Variants in METTL15 observed in about 807,000 individuals in gnomAD.
The protein encoded by METTL15 is methyltransferase 15, mitochondrial 12S rRNA N4-cytidine, also known as 12S rRNA N(4)-cytidine methyltransferase METTL15.
In METTL15, 34 loss-of-function variants were observed where a neutral mutation model predicts 38.3. The observed-to-expected ratio is 0.89, with a 90% confidence interval of 0.68 to 1.18. METTL15 has a LOEUF of 1.18. Among genes scored for constraint, METTL15 ranks in the 50% most tolerant of loss-of-function variants. METTL15 has a pLI of 0.00. For missense variants in METTL15, 438 were observed against 498.4 expected, an observed-to-expected ratio of 0.88 and a Z score of 1.15; for synonymous variants, 162 against 170.9, an observed-to-expected ratio of 0.95 and a Z score of 0.41.
chr11:28,343,309 C>A (rs1342743741), intron 3 of METTL15, among the ~76,000 whole-genome samples: 1 of 151,834 alleles, frequency 6.6e-6, no homozygotes, highest in East Asian at 1.9e-4. Context: ...ATTTGCCTTA[C>A]AACCAGAGAA....
intron 3 of METTL15, among the ~76,000 whole-genome samples, chr11:28,143,039 G>C (rs922752433): frequency 6.6e-6 from 1 of 152,080 alleles, no homozygotes; most frequent in South Asian, 2.1e-4. Flanking sequence ...TATGGTAAGT[G>C]AAGAGAGGGA....
chr11:28,509,086 C>G (rs1475317852), intron 6 of METTL15, among the ~76,000 whole-genome samples: 2 of 152,176 alleles, frequency 1.3e-5, no homozygotes, highest in African/African-American at 4.8e-5. Context: ...GTTAAAAGGC[C>G]TCTGTGGCAC....
At chr11:28,347,352 G>T (rs527895296) in intron 3 of METTL15, among the ~76,000 whole-genome samples, 2 of 152,202 alleles carry the variant, frequency 1.3e-5, no homozygotes, top group African/African-American at 4.8e-5. Flanking sequence ...AAGGATTCAT[G>T]AATGGTTTTG....
At chr11:28,293,823 G>A (rs1856622584) in intron 5 of METTL15, among the ~76,000 whole-genome samples, 1 of 152,130 alleles carries the variant, frequency 6.6e-6, no homozygotes, top group South Asian at 2.1e-4. Context: ...AAGCAATTGT[G>A]AATGGGAGTT....
chr11:28,480,908 T>C (rs1252671790), intron 6 of METTL15, among the ~76,000 whole-genome samples: 1 of 152,148 alleles, frequency 6.6e-6, no homozygotes, highest in African/African-American at 2.4e-5. Flanking sequence ...TGAGGAGATC[T>C]TTGAAGCCTT....
chr11:28,132,845 T>G (rs1224886892), intron 3 of METTL15, among the ~76,000 whole-genome samples: 1 of 152,220 alleles, frequency 6.6e-6, no homozygotes, highest in Non-Finnish European at 1.5e-5. Flanking sequence ...ATAATCTTAG[T>G]ATGTTTTATT....
chr11:28,489,880 G>A (rs1564945910), intron 6 of METTL15, among the ~76,000 whole-genome samples: 1 of 152,100 alleles, frequency 6.6e-6, no homozygotes, highest in Non-Finnish European at 1.5e-5. Flanking sequence ...TTCTGTGAGC[G>A]CCCCTGGACT....
At chr11:28,129,889 G>A (rs544730374) in intron 3 of METTL15, among the ~76,000 whole-genome samples, 1 of 152,124 alleles carries the variant, frequency 6.6e-6, no homozygotes, top group South Asian at 2.1e-4. Context: ...TATAATTAAA[G>A]GCTTATTTTG....
intron 4 of METTL15, among the ~76,000 whole-genome samples, chr11:28,253,601 C>G (rs1447425374): frequency 1.4e-5 from 2 of 146,022 alleles, no homozygotes; most frequent in African/African-American, 5.1e-5. Context: ...CTCATGGCCC[C>G]AACCCCCAGC....
intron 4 of METTL15, among the ~76,000 whole-genome samples, chr11:28,229,550 C>T (rs1335667015): frequency 2.0e-5 from 3 of 151,884 alleles, no homozygotes; most frequent in African/African-American, 7.3e-5. Context: ...GTGTTCTACC[C>T]TCACAAATGG....
chr11:28,241,726 G>C (rs944614268), intron 4 of METTL15, among the ~76,000 whole-genome samples: 2 of 152,116 alleles, frequency 1.3e-5, no homozygotes, highest in African/African-American at 4.8e-5. Flanking sequence ...TCAGGCAAAG[G>C]AAAAGCCAGA....
intron 5 of METTL15, among the ~76,000 whole-genome samples, chr11:28,398,080 G>A (rs928546658): frequency 6.6e-6 from 1 of 151,912 alleles, no homozygotes; most frequent in Admixed American, 6.6e-5. Flanking sequence ...ACACACCAGG[G>A]CCTGTTGTGG....
At chr11:28,451,734 T>C (rs1176619561) in intron 6 of METTL15, among the ~76,000 whole-genome samples, 1 of 152,238 alleles carries the variant, frequency 6.6e-6, no homozygotes, top group Non-Finnish European at 1.5e-5. Context: ...TTCCCTTCAC[T>C]GCTCACCCTA....
chr11:28,216,758 G>A (rs969707296), intron 4 of METTL15, among the ~76,000 whole-genome samples: 4 of 126,126 alleles, frequency 3.2e-5, no homozygotes, highest in Non-Finnish European at 6.2e-5. Flanking sequence ...TCCCCTTCCT[G>A]TGTCCAAGTG....
At chr11:28,404,502 CTG>C (rs1458574203) in intron 5 of METTL15, among the ~76,000 whole-genome samples, 1 of 152,016 alleles carries the variant, frequency 6.6e-6, no homozygotes. Context: ...AGGCAGCTCT[CTG>C]GGGCCAATTT....
intron 4 of METTL15, among the ~76,000 whole-genome samples, chr11:28,214,252 T>C (rs376645474): frequency 6.8e-4 from 104 of 152,188 alleles, no homozygotes; most frequent in African/African-American, 2.3e-3. Context: ...CAGGCTGGTC[T>C]TGAACTCCTG....
At chr11:28,415,972 C>T (rs1366361356) in intron 5 of METTL15, among the ~76,000 whole-genome samples, 1 of 152,172 alleles carries the variant, frequency 6.6e-6, no homozygotes, top group Non-Finnish European at 1.5e-5. Flanking sequence ...ACACACATAA[C>T]ATATGTCTAA....
At chr11:28,392,387 C>CAT (rs1564917891) in intron 5 of METTL15, among the ~76,000 whole-genome samples, 1 of 152,024 alleles carries the variant, frequency 6.6e-6, no homozygotes, top group Non-Finnish European at 1.5e-5. Flanking sequence ...TAAGGACAGA[C>CAT]ATATAGACTC....
downstream of METTL15, among the ~76,000 whole-genome samples, chr11:28,337,699 T>A (rs905498539): frequency 2.0e-5 from 3 of 152,152 alleles, no homozygotes; most frequent in Non-Finnish European, 4.4e-5. Context: ...GTATTTTTAG[T>A]ATTTTTACTG....
Sources: allele counts gnomAD v4.1 joint callset (sites outside exome capture counted in the v4.1 genomes callset), GRCh38; gene constraint gnomAD v4.1.1; transcripts MANE v1.5; gene names NCBI Gene and HGNC (gene_info 2026-07-23, HGNC 2026-07-21).